The following XNDC1N variants were observed in gnomAD, a reference collection of about 807,000 sequenced individuals.
The protein encoded by XNDC1N is protein XNDC1N.
chr11:71,915,663 T>C, the XNDC1N span, among the ~76,000 whole-genome samples: 1 of 151,512 alleles, frequency 6.6e-6, no homozygotes, highest in Middle Eastern at 3.2e-3. Context: ...CATGTAAAGA[T>C]ATAACTTTGT....
chr11:71,889,973 C>T, the XNDC1N span, among the ~76,000 whole-genome samples: 6 of 148,334 alleles, frequency 4.0e-5, no homozygotes, highest in Non-Finnish European at 7.4e-5. Context: ...AACGGGCCTG[C>T]GTTTTTGGTT....
chr11:71,902,083 G>A, the XNDC1N span, among the ~76,000 whole-genome samples: 1 of 152,196 alleles, frequency 6.6e-6, no homozygotes, highest in African/African-American at 2.4e-5. Context: ...TATCGTGCTT[G>A]GCACATAGGA....
At chr11:71,913,394 G>A in the XNDC1N span, among the ~76,000 whole-genome samples, 2 of 152,070 alleles carry the variant, frequency 1.3e-5, no homozygotes, top group South Asian at 2.1e-4. Flanking sequence ...GTCACGGGGG[G>A]TGACCTTGTA....
the XNDC1N span, among the ~76,000 whole-genome samples, chr11:71,905,990 A>G: frequency 6.6e-6 from 1 of 152,038 alleles, no homozygotes; most frequent in African/African-American, 2.4e-5. Flanking sequence ...GAGCAATATC[A>G]CACGGTGTAC....
chr11:71,896,888 AGTT>A, the XNDC1N span, among the ~76,000 whole-genome samples: 5 of 149,620 alleles, frequency 3.3e-5, no homozygotes, highest in South Asian at 2.1e-4. Context: ...ATCTGTTGTC[AGTT>A]GTTGTTTGTT....
the XNDC1N span, among the ~76,000 whole-genome samples, chr11:71,898,345 ACATGTAACCCCAG>A: frequency 6.6e-6 from 1 of 152,124 alleles, no homozygotes; most frequent in African/African-American, 2.4e-5. Flanking sequence ...AGTGGCTCGC[ACATGTAACCCCAG>A]CACTTTGGGA....
the XNDC1N span, chr11:71,894,274 A>C: frequency 1.9e-4 from 74 of 397,024 alleles, 1 homozygote; most frequent in African/African-American, 1.2e-3. Flanking sequence ...ACCACCCCCC[A>C]GGAATGGTGT....
chr11:71,918,730 A>G, the XNDC1N span, among the ~76,000 whole-genome samples: 4,912 of 152,290 alleles, frequency 0.032, 78 homozygotes, highest in East Asian at 0.08. Context: ...GATCTGCTCC[A>G]AGGGCAAGGG....
chr11:71,867,403 G>GC, the XNDC1N span, among the ~76,000 whole-genome samples: 1 of 152,274 alleles, frequency 6.6e-6, no homozygotes, highest in Middle Eastern at 3.4e-3. Flanking sequence ...AAGGAAAACT[G>GC]CTTTGAGAAG....
At chr11:71,887,261 C>T in the XNDC1N span, among the ~76,000 whole-genome samples, 1 of 152,226 alleles carries the variant, frequency 6.6e-6, no homozygotes, top group African/African-American at 2.4e-5. Context: ...GCAAAGCAAG[C>T]TTTCTGCTTG....
the XNDC1N span, among the ~76,000 whole-genome samples, chr11:71,870,108 T>C: frequency 6.6e-6 from 1 of 152,194 alleles, no homozygotes; most frequent in Non-Finnish European, 1.5e-5. Flanking sequence ...TCAGATCTCA[T>C]GAGAGCTCAC....
the XNDC1N span, among the ~76,000 whole-genome samples, chr11:71,887,618 A>T: frequency 6.6e-6 from 1 of 152,222 alleles, no homozygotes; most frequent in African/African-American, 2.4e-5. Flanking sequence ...GCCGGTCCCC[A>T]GAGAAGCCCT....
chr11:71,886,644 C>G, the XNDC1N span, among the ~76,000 whole-genome samples: 1 of 152,162 alleles, frequency 6.6e-6, no homozygotes, highest in Non-Finnish European at 1.5e-5. Flanking sequence ...TGAAAATCAG[C>G]GCATGATTCC....
the XNDC1N span, among the ~76,000 whole-genome samples, chr11:71,908,443 A>G: frequency 5.3e-5 from 8 of 152,092 alleles, no homozygotes; most frequent in African/African-American, 1.9e-4. Context: ...ATTAGCGCCA[A>G]TTAATAATTG....
chr11:71,906,714 T>C, the XNDC1N span, among the ~76,000 whole-genome samples: 2 of 152,114 alleles, frequency 1.3e-5, no homozygotes, highest in African/African-American at 2.4e-5. Flanking sequence ...CGAGTAACAT[T>C]TCTATAGAAG....
At chr11:71,890,671 C>A in the XNDC1N span, among the ~76,000 whole-genome samples, 3 of 152,030 alleles carry the variant, frequency 2.0e-5, no homozygotes, top group South Asian at 6.2e-4. Flanking sequence ...AACAATATCA[C>A]AGGGGGTTGT....
chr11:71,886,630 G>T, the XNDC1N span, among the ~76,000 whole-genome samples: 7 of 152,200 alleles, frequency 4.6e-5, no homozygotes, highest in African/African-American at 9.7e-5. Context: ...GATCCTGATA[G>T]CCCTGAAAAT....
At chr11:71,898,146 T>C in the XNDC1N span, among the ~76,000 whole-genome samples, 2 of 151,482 alleles carry the variant, frequency 1.3e-5, no homozygotes, top group Admixed American at 6.6e-5. Context: ...ATTGTGCCAC[T>C]GCACTCCAGC....
the XNDC1N span, among the ~76,000 whole-genome samples, chr11:71,925,638 T>C: frequency 6.6e-6 from 1 of 152,136 alleles, no homozygotes; most frequent in African/African-American, 2.4e-5. Context: ...AAATAAGACA[T>C]AGTCTCTGAG....
Sources: allele counts gnomAD v4.1 joint callset (sites outside exome capture counted in the v4.1 genomes callset), GRCh38; gene constraint gnomAD v4.1.1; transcripts MANE v1.5; gene names NCBI Gene and HGNC (gene_info 2026-07-23, HGNC 2026-07-21).